Variants in AMPH observed in about 807,000 individuals in gnomAD.
The protein encoded by AMPH is amphiphysin (Stiff-Mann syndrome with breast cancer 128kD autoantigen).
AMPH carries 49 observed loss-of-function variants against 99.1 expected under a neutral mutation model. The ratio of observed to expected loss-of-function variants is 0.49; its 90% CI spans 0.39 to 0.63. The LOEUF (loss-of-function observed/expected upper bound fraction) is 0.63, where lower values mean the gene tolerates loss of function less well. Ranked by LOEUF, AMPH falls within the 20% of genes least tolerant of loss-of-function variation. The probability of loss-of-function intolerance (pLI) is 0.00; values close to 1 mark genes in which losing one functional copy is unlikely to be tolerated. For missense variants in AMPH, 759 were observed against 863.4 expected (o/e 0.88, Z 1.52); for synonymous variants, 314 against 317.3 (o/e 0.99, Z 0.11).
chr7:38,555,803 A>G (rs1276082853), intron 1 of AMPH, among the ~76,000 whole-genome samples: 1 of 152,184 alleles, frequency 6.6e-6, no homozygotes, highest in Non-Finnish European at 1.5e-5. Context: ...CATAATTTGT[A>G]GTGTTTTCCA....
chr7:38,525,973 C>T (rs946635914), intron 2 of AMPH, among the ~76,000 whole-genome samples: 29 of 152,088 alleles, frequency 1.9e-4, no homozygotes, highest in African/African-American at 6.5e-4. Context: ...CATAAGAGTG[C>T]AGTTTTTGGG....
chr7:38,522,848 G>T (rs867328496), intron 2 of AMPH, among the ~76,000 whole-genome samples: 1 of 152,142 alleles, frequency 6.6e-6, no homozygotes, highest in Non-Finnish European at 1.5e-5. Flanking sequence ...GGTGGCTCAC[G>T]CCTGTAATCC....
intron 16 of AMPH, among the ~76,000 whole-genome samples, chr7:38,420,307 T>C (rs1171697577): frequency 6.6e-6 from 1 of 152,184 alleles, no homozygotes; most frequent in African/African-American, 2.4e-5. Flanking sequence ...AAAGCAAAGA[T>C]AAAATGTGAG....
Position 38,605,546 on chromosome 7 carries a change from T to C in AMPH, c.69+25737A>G, listed in dbSNP as rs114132009. Among the ~76,000 whole-genome samples the C allele has an allele frequency of 4.6e-3, 704 of 152,190 alleles. 6 individuals are homozygous for C. Among genetic ancestry groups the C allele is most frequent in the African/African-American group, 0.016 (674 of 41,536 alleles). ...TTTGATCCAATATTCACTGGAGACT[T>C]ATAATGGTTTTCTTTTCGTTTTTTC... On this transcript the variant is annotated intron_variant, in intron 1 of 20. Coordinates refer to ENST00000356264, the MANE Select transcript of AMPH (RefSeq NM_001635.4).
intron 1 of AMPH, among the ~76,000 whole-genome samples, chr7:38,617,134 C>A (rs1410039174): frequency 6.6e-6 from 1 of 152,220 alleles, no homozygotes; most frequent in Non-Finnish European, 1.5e-5. Flanking sequence ...AAACAACATA[C>A]ATGCACAGTC....
Position 38,436,274 on chromosome 7 carries a change from G to C in AMPH, c.1132C>G (p.Gln378Glu), listed in dbSNP as rs756125220. The change falls in exon 12 of 21, where the codon CAG (glutamine) becomes GAG (glutamate). Residue 378 changes from glutamine to glutamate, a missense_variant and splice_region_variant. Physicochemically the swap from Gln to Glu is conservative, Grantham distance 29. Transcript: ENST00000356264. ...AACATCCAAAAAGCACCTGATACCTGAGACATGGGTGAGTGGGTCACTCCA... is the reference window on the plus strand; with the variant it reads ...AACATCCAAAAAGCACCTGATACCTCAGACATGGGTGAGTGGGTCACTCCA... ...SAGVTHSPMS[Q>E]TLPWDLWTTS... 8 of 1,612,952 alleles carry C rather than the reference G, an allele frequency of 5.0e-6. No homozygotes were observed. In the South Asian group the frequency reaches 7.7e-5, roughly 16 times the overall value.
intron 12 of AMPH, among the ~76,000 whole-genome samples, 190 bp from the exon 13 acceptor site, chr7:38,432,402 AT>A (rs1251566603): frequency 1.3e-5 from 2 of 152,140 alleles, no homozygotes; most frequent in Non-Finnish European, 2.9e-5. Context: ...CACCAGTCAC[AT>A]GTGGCTATTG....
At chr7:38,448,677 A>G (rs978386304) in intron 11 of AMPH, among the ~76,000 whole-genome samples, 1 of 152,198 alleles carries the variant, frequency 6.6e-6, no homozygotes, top group African/African-American at 2.4e-5. Flanking sequence ...GGAAAGTGAA[A>G]CTGTGGATAA....
intron 1 of AMPH, among the ~76,000 whole-genome samples, chr7:38,604,808 A>T (rs1306280398): frequency 1.3e-5 from 2 of 152,188 alleles, no homozygotes; most frequent in African/African-American, 2.4e-5. Context: ...GCCGATTCAA[A>T]GTTCTTTTTT....
At chr7:38,409,175 G>C (rs567077611) in intron 17 of AMPH, among the ~76,000 whole-genome samples, 26 of 152,332 alleles carry the variant, frequency 1.7e-4, no homozygotes, top group Non-Finnish European at 2.8e-4. Flanking sequence ...ATGGGGAAAA[G>C]TAACAAAGGA....
chr7:38,401,263 T>C (rs957279015), intron 17 of AMPH, among the ~76,000 whole-genome samples: 4 of 152,216 alleles, frequency 2.6e-5, no homozygotes, highest in Non-Finnish European at 5.9e-5. Context: ...CTTTATGATG[T>C]CTCCATTAAA....
intron 2 of AMPH, among the ~76,000 whole-genome samples, chr7:38,534,284 T>G (rs1790517502): frequency 6.6e-6 from 1 of 152,148 alleles, no homozygotes; most frequent in African/African-American, 2.4e-5. Context: ...ATTAAGGTCA[T>G]TTTACCAGAA....
intron 11 of AMPH, among the ~76,000 whole-genome samples, chr7:38,457,632 T>C (rs1055237803): frequency 6.6e-6 from 1 of 152,340 alleles, no homozygotes; most frequent in Admixed American, 6.5e-5. Flanking sequence ...AGAAAATCTA[T>C]TTAATGAAGT....
At chr7:38,603,918 C>T (rs1255182373) in intron 1 of AMPH, among the ~76,000 whole-genome samples, 2 of 152,226 alleles carry the variant, frequency 1.3e-5, no homozygotes, top group Admixed American at 6.5e-5. Flanking sequence ...ACAAATCTGA[C>T]AAACATGTGA....
At chr7:38,429,990 A>G in intron 13 of AMPH, 125 bp from the exon 14 acceptor site, 2 of 883,024 alleles carry the variant, frequency 2.3e-6, no homozygotes, top group Non-Finnish European at 3.3e-6. Flanking sequence ...TTAGGAACAA[A>G]TTTTACAACT....
At chr7:38,387,870 A>G (rs751077595) in intron 20 of AMPH, among the ~76,000 whole-genome samples, 7 of 151,938 alleles carry the variant, frequency 4.6e-5, no homozygotes, top group Non-Finnish European at 8.8e-5. Context: ...TAGTCAGGGA[A>G]AGTCACTTTG....
In AMPH at chr7:38,384,829, G is replaced by A. The variant is rs147817118; in HGVS notation, c.2077C>T (p.Arg693Cys). The stretch of plus-strand genomic sequence containing the variant: ...CAGTACTTGTTGCCCTAATCTAAGC[G>A]TCGGGTGAAGTTCTCTGGAAAGAGG... ...KGLFPENFTR[R>C]LD Residue 693 changes from arginine (R) to cysteine (C), a missense_variant, in exon 21 of 21, where the codon CGC becomes TGC. By Grantham distance (180) the Arg-to-Cys change is radical (BLOSUM62 -3). Transcript: ENST00000356264. 1,344 of 1,613,746 alleles carry A rather than the reference G, an allele frequency of 8.3e-4. 6 individuals carry two copies. Among genetic ancestry groups the A allele is most frequent in the Admixed American group, 3.3e-3 (199 of 60,006 alleles).
chr7:38,570,617 G>A (rs1468820459), intron 1 of AMPH, among the ~76,000 whole-genome samples: 2 of 151,848 alleles, frequency 1.3e-5, no homozygotes, highest in Admixed American at 6.6e-5. Flanking sequence ...ATTATGTACA[G>A]AACATAATGA....
chr7:38,409,579 A>G (rs1329491885), intron 17 of AMPH, among the ~76,000 whole-genome samples: 3 of 152,088 alleles, frequency 2.0e-5, no homozygotes, highest in African/African-American at 7.2e-5. Flanking sequence ...TGACACATTT[A>G]TGCGCTTTTT....
Sources: allele counts gnomAD v4.1 joint callset (sites outside exome capture counted in the v4.1 genomes callset), GRCh38; gene constraint gnomAD v4.1.1; transcripts MANE v1.5; gene names NCBI Gene and HGNC (gene_info 2026-07-23, HGNC 2026-07-21).